DNAL1: variants seen among roughly 807,000 people sequenced by gnomAD.
The protein encoded by DNAL1 is dynein axonemal light chain 1.
Under a neutral mutation model 29.4 loss-of-function variants are expected in DNAL1, and 17 were observed. That is an observed-to-expected ratio of 0.58 (90% CI 0.40 to 0.87). DNAL1 has a LOEUF of 0.87. Ranked by LOEUF, DNAL1 falls within the 40% of genes least tolerant of loss-of-function variation. DNAL1 has a pLI of 0.00. For synonymous variants in DNAL1, 78 were observed against 76.3 expected (o/e 1.02, Z -0.12); for missense variants, 188 against 214.1 (o/e 0.88, Z 0.76).
rs1891183689 is a variant in DNAL1 at position 73,655,028 on chromosome 14, AC to A, written c.42+144del. On this transcript the variant is annotated intron_variant, in intron 2 of 7. Coordinates refer to ENST00000553645, the MANE Select transcript of DNAL1 (RefSeq NM_031427.4). Reference sequence around the variant, plus strand: ...CTTGTCTATGGTGGTGGATGCATGAACTTACACATATGATAAAATTGTGTAA... The same window carrying A: ...CTTGTCTATGGTGGTGGATGCATGAATTACACATATGATAAAATTGTGTAA... 6.3e-6 allele frequency: 5 copies of A among 798,522 alleles called. No homozygotes were observed. The South Asian group carries it at 8.9e-5, about 14-fold the overall frequency. 49.5% of individuals were successfully genotyped at this position (798,522 alleles called of 1,614,324 possible).
At position 73,691,854 on chromosome 14, in the gene DNAL1, C is replaced by CCCG. The variant is rs1555403334; in HGVS notation, c.532+2341_532+2342insGCC. On this transcript the variant is annotated intron_variant, in intron 7 of 7. Coordinates refer to ENST00000553645, the MANE Select transcript of DNAL1 (RefSeq NM_031427.4). ...AACTACAGGCGTGCGCCACCCCCCC[C>CCCG]CCCCAGCTAATTTTTGTATTTTTAG... 2.7e-5 allele frequency among the ~76,000 whole-genome samples: 4 copies of CCCG among 147,004 alleles called. No homozygotes were observed. In the East Asian group the frequency reaches 8.5e-4, roughly 31 times the overall value.
At position 73,702,034 on chromosome 14, in the gene DNAL1, A is replaced by G. The variant is rs886050713; in HGVS notation, c.*6092A>G. 1.3e-4 allele frequency: 20 copies of G among 152,194 alleles called. No homozygotes were observed. The highest frequency in any genetic ancestry group is 6.8e-3 in the Middle Eastern group (2 of 294). 9.4% of individuals were successfully genotyped at this position (152,194 alleles called of 1,614,324 possible). A position where few individuals can be genotyped will look rare whatever the true frequency, so the allele number is the denominator to read the frequency against. On this transcript the variant is annotated 3_prime_UTR_variant, in exon 8 of 8. Coordinates refer to ENST00000553645, the MANE Select transcript of DNAL1 (RefSeq NM_031427.4). ...ATAAACTTCTAGTGATATTCAGTCC[A>G]AAGAAATTCAGCCTTTGGATAACAT...
chr14:73,675,187 C>T (rs1891701848), intron 5 of DNAL1, among the ~76,000 whole-genome samples: 1 of 90,218 alleles, frequency 1.1e-5, no homozygotes, highest in Non-Finnish European at 3.4e-5. Flanking sequence ...TGTTCTTGTT[C>T]TCTCTCTCTC....
intron 4 of DNAL1, among the ~76,000 whole-genome samples, chr14:73,669,227 C>T (rs1273331476): frequency 6.6e-6 from 1 of 152,094 alleles, no homozygotes; most frequent in African/African-American, 2.4e-5. Flanking sequence ...AAACCATCCT[C>T]CTGCCTCAGC....
At chr14:73,692,819 T>A (rs1892206539) in intron 7 of DNAL1, among the ~76,000 whole-genome samples, 1 of 150,946 alleles carries the variant, frequency 6.6e-6, no homozygotes, top group African/African-American at 2.4e-5. Context: ...CTTCTGTTGC[T>A]CATAAGCAAA....
rs1892314814 is a variant in DNAL1, at chr14:73,697,008, T to G, written c.*1066T>G. On this transcript the variant is annotated 3_prime_UTR_variant, in exon 8 of 8. Coordinates refer to ENST00000553645, the MANE Select transcript of DNAL1 (RefSeq NM_031427.4). Reference sequence around the variant, plus strand: ...ATGAGATCCCAGGCAAATGGCAATATGTTTGAGGATTGTCTCCTACATAAA... The same window carrying G: ...ATGAGATCCCAGGCAAATGGCAATAGGTTTGAGGATTGTCTCCTACATAAA... 1 of 152,218 alleles carries G rather than the reference T, an allele frequency of 6.6e-6. No individual in the cohort carries two copies. The highest frequency in any genetic ancestry group is 2.4e-5 in the African/African-American group (1 of 41,452). 9.4% of individuals were successfully genotyped at this position (152,218 alleles called of 1,614,324 possible). A position where few individuals can be genotyped will look rare whatever the true frequency, so the allele number is the denominator to read the frequency against.
At chr14:73,666,351 A>G (rs1201480851) in intron 4 of DNAL1, among the ~76,000 whole-genome samples, 1 of 152,224 alleles carries the variant, frequency 6.6e-6, no homozygotes. Flanking sequence ...AAAAAGCTGT[A>G]TAATATGAAT....
chr14:73,687,455 A>T, intron 6 of DNAL1, 70 bp downstream of exon 6: 1 of 1,438,952 alleles, frequency 6.9e-7, no homozygotes, highest in Non-Finnish European at 9.2e-7. Context: ...GAGGGAAAAG[A>T]TGCAAAACGA....
intron 4 of DNAL1, 23 bp from the exon 5 acceptor site, chr14:73,671,519 A>C (rs778245023): frequency 5.5e-6 from 8 of 1,443,708 alleles, no homozygotes; most frequent in Non-Finnish European, 6.4e-6. Flanking sequence ...AGTAAACAAA[A>C]AAATGTTTTC....
At chr14:73,662,156 C>A in intron 4 of DNAL1, 114 bp downstream of exon 4, 1 of 847,262 alleles carries the variant, frequency 1.2e-6, no homozygotes, top group South Asian at 1.7e-5. Context: ...TACTTGTTGT[C>A]AGATAATAGA....
At chr14:73,670,164 A>G (rs1170913520) in intron 4 of DNAL1, among the ~76,000 whole-genome samples, 1 of 152,182 alleles carries the variant, frequency 6.6e-6, no homozygotes, top group Admixed American at 6.5e-5. Flanking sequence ...TTGCTTCCCT[A>G]GAGAGTTGGG....
At chr14:73,671,401 A>G in intron 4 of DNAL1, 141 bp from the exon 5 acceptor site, 1 of 950,038 alleles carries the variant, frequency 1.1e-6, no homozygotes, top group South Asian at 4.0e-5. Context: ...TTGATTACCC[A>G]TTTTTGTTAA....
intron 5 of DNAL1, among the ~76,000 whole-genome samples, chr14:73,686,569 G>A (rs1305533562): frequency 2.6e-5 from 4 of 152,058 alleles, no homozygotes; most frequent in Non-Finnish European, 5.9e-5. Context: ...AGCCAGATGT[G>A]GTAGTGTGCA....
intron 5 of DNAL1, among the ~76,000 whole-genome samples, chr14:73,681,754 C>T (rs1383927236): frequency 6.7e-6 from 1 of 149,094 alleles, no homozygotes; most frequent in Admixed American, 6.7e-5. Flanking sequence ...CTGATCACAC[C>T]ACTGCACTCC....
intron 1 of DNAL1, among the ~76,000 whole-genome samples, chr14:73,645,932 TGAA>T (rs1369507414): frequency 2.6e-5 from 4 of 152,254 alleles, no homozygotes; most frequent in Admixed American, 1.3e-4. Flanking sequence ...GAGATGTTTA[TGAA>T]GAAGAAGCAT....
At chr14:73,675,812 C>T (rs546045026) in intron 5 of DNAL1, among the ~76,000 whole-genome samples, 15 of 151,794 alleles carry the variant, frequency 9.9e-5, no homozygotes, top group African/African-American at 3.4e-4. Context: ...GTCAGGAGTT[C>T]GAGACCAGCC....
chr14:73,654,395 A>C (rs547093492), intron 1 of DNAL1, among the ~76,000 whole-genome samples: 76 of 152,378 alleles, frequency 5.0e-4, no homozygotes, highest in Non-Finnish European at 9.8e-4. Context: ...AAAGAAAGAA[A>C]TCATTTTAAT....
intron 7 of DNAL1, among the ~76,000 whole-genome samples, chr14:73,692,610 GAAAAAAAA>G (rs59651369): frequency 8.1e-6 from 1 of 123,342 alleles, no homozygotes; most frequent in South Asian, 2.5e-4. Context: ...AGTGAGCCGA[GAAAAAAAA>G]AAAAAAGAAT....
intron 1 of DNAL1, among the ~76,000 whole-genome samples, chr14:73,649,364 G>A (rs1891060921): frequency 6.6e-6 from 1 of 151,032 alleles, no homozygotes; most frequent in Admixed American, 6.6e-5. Context: ...CTCACGGCAA[G>A]CTCCGCCTCC....
Sources: gnomAD v4.1 joint callset for allele counts (sites outside exome capture counted in the v4.1 genomes callset) on GRCh38, gnomAD v4.1.1 for gene constraint, MANE v1.5 for transcripts, NCBI Gene and HGNC (gene_info 2026-07-23, HGNC 2026-07-21) for gene names.